SPPL2A: variants seen among roughly 807,000 people sequenced by gnomAD.
The protein encoded by SPPL2A is signal peptide peptidase-like 2A.
In SPPL2A, 51 loss-of-function variants were observed where a neutral mutation model predicts 63.8. That is an observed-to-expected ratio of 0.80 (90% CI 0.64 to 1.01). The LOEUF (loss-of-function observed/expected upper bound fraction) is 1.01. Among genes scored for constraint, SPPL2A ranks in the 50% least tolerant of loss-of-function variants. SPPL2A has a pLI of 0.00. For synonymous variants in SPPL2A, 188 were observed against 205.8 expected (o/e 0.91, Z 0.74); for missense variants, 553 against 622.7 (o/e 0.89, Z 1.19).
At chr15:50,741,852 G>A (rs1399211198) in intron 5 of SPPL2A, among the ~76,000 whole-genome samples, 1 of 151,932 alleles carries the variant, frequency 6.6e-6, no homozygotes, top group East Asian at 1.9e-4. Flanking sequence ...TGTAATCCCA[G>A]CTACTTGAGA....
At chr15:50,710,818 T>C (rs1436677126) in intron 14 of SPPL2A, among the ~76,000 whole-genome samples, 1 of 152,212 alleles carries the variant, frequency 6.6e-6, no homozygotes, top group East Asian at 1.9e-4. Context: ...TAGTGACATT[T>C]AACAGACACA....
At chr15:50,733,090 A>G (rs891406135) in intron 8 of SPPL2A, among the ~76,000 whole-genome samples, 1 of 152,254 alleles carries the variant, frequency 6.6e-6, no homozygotes, top group Non-Finnish European at 1.5e-5. Context: ...AGGCTACCTC[A>G]GAAGAACATA....
chr15:50,736,748 A>C lies in SPPL2A; in HGVS notation c.734-8T>G. 1 of 1,411,280 alleles carries C rather than the reference A, an allele frequency of 7.1e-7. No individual in the cohort carries two copies. The highest frequency in any genetic ancestry group is 1.2e-5 in the South Asian group (1 of 86,122). The allele number at this position is 1,411,280 out of a possible 1,614,324, so 87.4% of individuals were successfully genotyped here. ...TTGCTATCATAACATAAACTGAAAA[A>C]AACAAAACACTAAATTACATGAGAA... On this transcript the variant is annotated splice_polypyrimidine_tract_variant and splice_region_variant and intron_variant, in intron 6 of 14. Transcript: ENST00000261854.
intron 1 of SPPL2A, among the ~76,000 whole-genome samples, chr15:50,752,261 A>G (rs148793484): frequency 1.5e-3 from 231 of 152,062 alleles, no homozygotes; most frequent in Admixed American, 2.4e-3. Flanking sequence ...AATTGTTCCA[A>G]ATTTGGGCAT....
chr15:50,716,608 G>A (rs1211056605), intron 14 of SPPL2A, among the ~76,000 whole-genome samples: 1 of 152,200 alleles, frequency 6.6e-6, no homozygotes. Flanking sequence ...ACATAATTCT[G>A]TAAGACAGCA....
intron 13 of SPPL2A, 103 bp downstream of exon 13, chr15:50,722,021 A>AACC (rs1380883331): frequency 1.2e-5 from 8 of 667,080 alleles, no homozygotes; most frequent in Admixed American, 4.8e-5. Context: ...TCCAGGGGTG[A>AACC]ACCACCATGC....
chr15:50,737,394 TACA>T (rs963666451), intron 6 of SPPL2A, among the ~76,000 whole-genome samples: 3 of 152,168 alleles, frequency 2.0e-5, no homozygotes, highest in African/African-American at 7.2e-5. Context: ...GCCAACATAA[TACA>T]AATATCATTT....
intron 1 of SPPL2A, among the ~76,000 whole-genome samples, chr15:50,753,827 C>T (rs2062930256): frequency 6.6e-6 from 1 of 151,986 alleles, no homozygotes; most frequent in Non-Finnish European, 1.5e-5. Flanking sequence ...GACAGAGTCT[C>T]ACTCTAAAGC....
chr15:50,702,757 G>A lies in SPPL2A; in HGVS notation c.*5043C>T, dbSNP rs2062485075. The A allele has an allele frequency of 6.6e-6, 1 of 152,138 alleles. No individual in the cohort carries two copies. The highest frequency in any genetic ancestry group is 1.5e-5 in the Non-Finnish European group (1 of 68,016). The allele number at this position is 152,138 out of a possible 1,614,324, so 9.4% of individuals were successfully genotyped here. A position where few individuals can be genotyped will look rare whatever the true frequency, so the allele number is the denominator to read the frequency against. On this transcript the variant is annotated 3_prime_UTR_variant, in exon 15 of 15. Coordinates refer to ENST00000261854, the MANE Select transcript of SPPL2A (RefSeq NM_032802.4). ...TGCTCCTTAATTGCCAGTAATGGAG[G>A]ACTACTATAAAAATTTAGTTTTAAA...
intron 11 of SPPL2A, chr15:50,726,093 G>A (rs971831712): frequency 1.5e-5 from 23 of 1,501,134 alleles, no homozygotes; most frequent in Middle Eastern, 1.7e-4. Flanking sequence ...GGAGCTGAGG[G>A]TTGACCAGTG....
Position 50,749,683 on chromosome 15 carries a change from G to A in SPPL2A, c.130C>T (p.Leu44Phe). Residue 44 changes from leucine to phenylalanine, a missense_variant, in exon 2 of 15, where the codon CTT becomes TTT. Coordinates refer to ENST00000261854, the MANE Select transcript of SPPL2A (RefSeq NM_032802.4). Reference protein sequence around the residue: ...GNGTTKDYCMLYNPYWTALPS... With the variant: ...GNGTTKDYCMFYNPYWTALPS... ...AGAGCTGTCCAATAAGGGTTATAAAGCATGCAGTAGTCCTTGGTTGTGCCA... is the reference window on the plus strand; with the variant it reads ...AGAGCTGTCCAATAAGGGTTATAAAACATGCAGTAGTCCTTGGTTGTGCCA... 4 of 1,613,268 alleles carry A rather than the reference G, an allele frequency of 2.5e-6. No homozygotes were observed. Among genetic ancestry groups the A allele is most frequent in the Non-Finnish European group, 3.4e-6 (4 of 1,179,226 alleles).
Position 50,712,640 on chromosome 15 carries a change from T to C in SPPL2A, c.1489-4766A>G, listed in dbSNP as rs548165790. ...CACCACTATGGATTTCCTTCCTTCCTTTCCTTCCTTTCCTCCCTTCCTCCC... is the reference window on the plus strand; with the variant it reads ...CACCACTATGGATTTCCTTCCTTCCCTTCCTTCCTTTCCTCCCTTCCTCCC... On this transcript the variant is annotated intron_variant, in intron 14 of 14. Transcript: ENST00000261854. Among the ~76,000 whole-genome samples, 7 of 149,938 alleles carry C rather than the reference T, an allele frequency of 4.7e-5. No homozygotes were observed. In the East Asian group the frequency reaches 1.4e-3, roughly 29 times the overall value.
chr15:50,702,391 T>G lies in SPPL2A; in HGVS notation c.*5409A>C, dbSNP rs2062483147. 6.6e-6 allele frequency: 1 copy of G among 152,166 alleles called. No individual in the cohort carries two copies. Among genetic ancestry groups the G allele is most frequent in the Non-Finnish European group, 1.5e-5 (1 of 68,028 alleles). The allele number at this position is 152,166 out of a possible 1,614,324, so 9.4% of individuals were successfully genotyped here. ...AATTAACACTTCAAAAATTTCAAAT[T>G]TTAAAACATTCCATAAAAATATAAA... is the stretch of plus-strand genomic sequence containing the variant. On this transcript the variant is annotated 3_prime_UTR_variant, in exon 15 of 15. Coordinates refer to ENST00000261854, the MANE Select transcript of SPPL2A (RefSeq NM_032802.4).
intron 2 of SPPL2A, 22 bp from the exon 3 acceptor site, chr15:50,748,892 T>G (rs747875965): frequency 2.0e-6 from 3 of 1,499,846 alleles, no homozygotes; most frequent in Non-Finnish European, 2.7e-6. Flanking sequence ...AAATGTCTTT[T>G]TAACATGTTA....
At position 50,765,625 on chromosome 15, in the gene SPPL2A, G is replaced by A; in HGVS notation, c.-92C>T. 1.1e-6 allele frequency: 1 copy of A among 927,488 alleles called. No individual in the cohort carries two copies. The highest frequency in any genetic ancestry group is 1.5e-6 in the Non-Finnish European group (1 of 685,822). 57.5% of individuals were successfully genotyped at this position (927,488 alleles called of 1,614,324 possible). ...GTCCCGCCGCTGCGCTGCCTCCGTG[G>A]CCGGACCGGACCGGACAGGCGCGGG... On this transcript the variant is annotated 5_prime_UTR_variant, in exon 1 of 15. Transcript: ENST00000261854.
At chr15:50,737,018 A>AT (rs1419663415) in intron 6 of SPPL2A, among the ~76,000 whole-genome samples, 2 of 151,722 alleles carry the variant, frequency 1.3e-5, no homozygotes, top group Non-Finnish European at 2.9e-5. Context: ...GGCTCAAGTG[A>AT]TTCTCATGCC....
chr15:50,712,742 C>T (rs1343589830), intron 14 of SPPL2A, among the ~76,000 whole-genome samples: 2 of 132,792 alleles, frequency 1.5e-5, no homozygotes, highest in African/African-American at 2.8e-5. Flanking sequence ...TGCAGTGATG[C>T]GATCTCGATC....
At chr15:50,750,146 T>C (rs1450779761) in intron 1 of SPPL2A, among the ~76,000 whole-genome samples, 1 of 152,154 alleles carries the variant, frequency 6.6e-6, no homozygotes, top group Non-Finnish European at 1.5e-5. Flanking sequence ...CTCTGTCACC[T>C]AGACTGGAGT....
intron 13 of SPPL2A, 22 bp from the exon 14 acceptor site, chr15:50,720,122 A>G (rs776164178): frequency 2.0e-5 from 31 of 1,588,532 alleles, no homozygotes; most frequent in Non-Finnish European, 2.6e-5. Flanking sequence ...ATACCAAGCT[A>G]TAAGTCATTT....
Sources: allele counts gnomAD v4.1 joint callset (sites outside exome capture counted in the v4.1 genomes callset), GRCh38; gene constraint gnomAD v4.1.1; transcripts MANE v1.5; gene names NCBI Gene and HGNC (gene_info 2026-07-23, HGNC 2026-07-21).